OPCML: variants seen among roughly 807,000 people sequenced by gnomAD.
OPCML encodes opioid-binding protein/cell adhesion molecule.
A neutral mutation model predicts 37.8 loss-of-function variants in OPCML; 13 were observed. The observed-to-expected ratio is 0.34, with a 90% CI of 0.22 to 0.55. The LOEUF is 0.55. Among genes scored for constraint, OPCML ranks in the 20% least tolerant of loss-of-function variants. OPCML has a pLI of 0.91. For synonymous variants in OPCML, 176 were observed against 168.8 expected, an observed-to-expected ratio of 1.04 and a Z score of -0.33; for missense variants, 341 against 435.6, an observed-to-expected ratio of 0.78 and a Z score of 1.93.
chr11:132,657,580 C>T (rs1466662987), intron 2 of OPCML, among the ~76,000 whole-genome samples: 1 of 152,132 alleles, frequency 6.6e-6, no homozygotes, highest in African/African-American at 2.4e-5. Context: ...CATTTGCTTT[C>T]CCTGTTATTT....
intron 4 of OPCML, among the ~76,000 whole-genome samples, chr11:132,524,041 G>A (rs2096301423): frequency 6.6e-6 from 1 of 152,178 alleles, no homozygotes; most frequent in Admixed American, 6.5e-5. Flanking sequence ...ATATGTCATG[G>A]CAATGGAGCC....
intron 7 of OPCML, among the ~76,000 whole-genome samples, chr11:132,430,879 A>C (rs2136702860): frequency 6.6e-6 from 1 of 152,206 alleles, no homozygotes; most frequent in African/African-American, 2.4e-5. Context: ...TCAAGTCCAG[A>C]ATCTTCCTTC....
At chr11:132,909,275 A>G (rs1308598271) in intron 2 of OPCML, among the ~76,000 whole-genome samples, 2 of 152,218 alleles carry the variant, frequency 1.3e-5, no homozygotes, top group Non-Finnish European at 2.9e-5. Context: ...GGAACCCCAG[A>G]CCTCAAGGGC....
At chr11:132,543,450 C>T (rs1425508647) in intron 3 of OPCML, among the ~76,000 whole-genome samples, 1 of 151,806 alleles carries the variant, frequency 6.6e-6, no homozygotes. Context: ...GAGTTCAAGG[C>T]TATGGTTAGC....
Position 132,630,526 on chromosome 11 carries a change from A to ATGTGTGTG in OPCML, c.379+26553_379+26560dup, listed in dbSNP as rs140438717. On this transcript the variant is annotated intron_variant, in intron 3 of 7. Coordinates refer to ENST00000524381, the MANE Select transcript of OPCML (RefSeq NM_001012393.5). ...ATAAGTTGAAAGAATAGGACACAAT[A>ATGTGTGTG]TGTGTGTGTGTGTGTGTGTGTGTGT... Among the ~76,000 whole-genome samples, 453 of 148,972 alleles carry ATGTGTGTG rather than the reference A, an allele frequency of 3.0e-3. 4 individuals carry two copies. Among genetic ancestry groups the ATGTGTGTG allele is most frequent in the African/African-American group, 0.011 (432 of 40,680 alleles).
chr11:133,387,970 G>C (rs1289855194), intron 1 of OPCML, among the ~76,000 whole-genome samples: 1 of 152,142 alleles, frequency 6.6e-6, no homozygotes, highest in Non-Finnish European at 1.5e-5. Flanking sequence ...ACTTAGGCAG[G>C]AACCAGCACC....
intron 1 of OPCML, among the ~76,000 whole-genome samples, chr11:133,468,510 T>C (rs757724174): frequency 3.9e-5 from 6 of 152,176 alleles, no homozygotes; most frequent in Non-Finnish European, 5.9e-5. Context: ...AAGGGTAGCA[T>C]TGGCTGCAGG....
chr11:132,757,321 T>C (rs954937267), intron 2 of OPCML, among the ~76,000 whole-genome samples: 2 of 152,202 alleles, frequency 1.3e-5, no homozygotes, highest in African/African-American at 4.8e-5. Flanking sequence ...TACCCAGTAA[T>C]TGGATTGCTG....
At chr11:133,427,218 G>A (rs750921081) in intron 1 of OPCML, among the ~76,000 whole-genome samples, 36 of 151,834 alleles carry the variant, frequency 2.4e-4, no homozygotes, top group Non-Finnish European at 4.7e-4. Context: ...TCACAAAAAA[G>A]GCATCAATAA....
chr11:132,901,974 C>G (rs1483998622), intron 2 of OPCML, among the ~76,000 whole-genome samples: 2 of 152,184 alleles, frequency 1.3e-5, no homozygotes, highest in Non-Finnish European at 2.9e-5. Context: ...TGAACTCCCC[C>G]CACCACCGGT....
chr11:132,947,695 T>C (rs963255516), intron 1 of OPCML, among the ~76,000 whole-genome samples: 1 of 152,186 alleles, frequency 6.6e-6, no homozygotes, highest in Non-Finnish European at 1.5e-5. Flanking sequence ...GTAGTTTATG[T>C]CAGAACTTTT....
At chr11:133,363,700 G>A (rs530560862) in intron 1 of OPCML, among the ~76,000 whole-genome samples, 3 of 152,278 alleles carry the variant, frequency 2.0e-5, no homozygotes, top group Non-Finnish European at 2.9e-5. Context: ...GGGCCAAAGC[G>A]CAGAAAGAAA....
At chr11:132,999,569 C>T (rs12577087) in intron 1 of OPCML, among the ~76,000 whole-genome samples, 6 of 141,376 alleles carry the variant, frequency 4.2e-5, no homozygotes, top group East Asian at 2.1e-4. Context: ...CAAATGGGGT[C>T]GGGGGGGGAA....
chr11:132,688,047 C>G (rs946227400), intron 2 of OPCML, among the ~76,000 whole-genome samples: 1 of 152,048 alleles, frequency 6.6e-6, no homozygotes, highest in African/African-American at 2.4e-5. Flanking sequence ...CGGGAAATGA[C>G]GATTCTATCA....
At chr11:132,831,736 C>T (rs2136279663) in intron 2 of OPCML, among the ~76,000 whole-genome samples, 1 of 150,440 alleles carries the variant, frequency 6.6e-6, no homozygotes, top group African/African-American at 2.4e-5. Context: ...TCTTCCCTCT[C>T]TTCAAGTTTC....
At chr11:132,435,258 G>T in intron 7 of OPCML, 1 of 1,288,950 alleles carries the variant, frequency 7.8e-7, no homozygotes, top group Non-Finnish European at 1.0e-6. Context: ...CATTTCAGAT[G>T]GTTGGTGGAC....
intron 2 of OPCML, among the ~76,000 whole-genome samples, chr11:132,731,243 C>CA (rs1162340977): frequency 6.6e-6 from 1 of 152,118 alleles, no homozygotes; most frequent in Admixed American, 6.6e-5. Flanking sequence ...TCTAAAGACT[C>CA]AAAAATCAGC....
intron 1 of OPCML, among the ~76,000 whole-genome samples, chr11:133,411,062 T>C (rs1945641342): frequency 6.6e-6 from 1 of 152,138 alleles, no homozygotes; most frequent in African/African-American, 2.4e-5. Flanking sequence ...CCCTGAGGAA[T>C]TAGACAGATA....
chr11:132,926,118 G>T (rs752778977), intron 2 of OPCML, among the ~76,000 whole-genome samples: 9 of 152,196 alleles, frequency 5.9e-5, no homozygotes, highest in Non-Finnish European at 1.3e-4. Flanking sequence ...CAAGAATAGA[G>T]ACCCTTGTCC....
Sources: gnomAD v4.1 joint callset for allele counts (sites outside exome capture counted in the v4.1 genomes callset) on GRCh38, gnomAD v4.1.1 for gene constraint, MANE v1.5 for transcripts, NCBI Gene and HGNC (gene_info 2026-07-23, HGNC 2026-07-21) for gene names.